The following PTPRT variants were observed in gnomAD, a reference collection of about 807,000 sequenced individuals.
The protein encoded by PTPRT is receptor-type tyrosine-protein phosphatase T.
PTPRT carries 56 observed loss-of-function variants against 176.8 expected under a neutral mutation model. The observed-to-expected ratio is 0.32, with a 90% CI of 0.26 to 0.40. PTPRT has a LOEUF of 0.40. Ranked by LOEUF, PTPRT falls within the 10% of genes least tolerant of loss-of-function variation. PTPRT has a pLI of 1.00. For missense variants in PTPRT, 1,540 were observed against 1,908.2 expected (o/e 0.81, Z 3.60); for synonymous variants, 783 against 739.0 (o/e 1.06, Z -0.96).
intron 9 of PTPRT, among the ~76,000 whole-genome samples, chr20:42,422,477 C>A (rs1012697049): frequency 6.6e-6 from 1 of 152,116 alleles, no homozygotes; most frequent in East Asian, 1.9e-4. Context: ...TAGAGAAATG[C>A]AAATCAAAAC....
chr20:43,061,388 G>T (rs1382310256), intron 1 of PTPRT, among the ~76,000 whole-genome samples: 1 of 152,108 alleles, frequency 6.6e-6, no homozygotes, highest in Non-Finnish European at 1.5e-5. Context: ...AGAACTCAAC[G>T]GTCTTGAGTA....
chr20:42,118,223 G>T (rs564304714), intron 21 of PTPRT, among the ~76,000 whole-genome samples, 180 bp downstream of exon 21: 9 of 152,300 alleles, frequency 5.9e-5, no homozygotes, highest in African/African-American at 1.2e-4. Context: ...AGGGATGAAG[G>T]GGATTTGAAG....
intron 2 of PTPRT, among the ~76,000 whole-genome samples, chr20:42,816,041 C>T (rs2077778518): frequency 1.3e-5 from 2 of 152,164 alleles, no homozygotes; most frequent in South Asian, 4.1e-4. Flanking sequence ...AGGCTGGGAG[C>T]TGGCACACAC....
chr20:42,961,879 G>A (rs1007935367), intron 1 of PTPRT, among the ~76,000 whole-genome samples: 27 of 152,210 alleles, frequency 1.8e-4, no homozygotes, highest in African/African-American at 6.3e-4. Flanking sequence ...AAGGAGCGGG[G>A]CGGGAGGGTC....
intron 1 of PTPRT, among the ~76,000 whole-genome samples, chr20:43,172,329 T>C (rs2015021813): frequency 6.6e-6 from 1 of 152,240 alleles, no homozygotes; most frequent in Admixed American, 6.5e-5. Context: ...AAATATCAGA[T>C]AATCTTTTTT....
At chr20:42,399,518 A>G (rs181045340) in intron 9 of PTPRT, among the ~76,000 whole-genome samples, 2 of 152,286 alleles carry the variant, frequency 1.3e-5, no homozygotes, top group East Asian at 1.9e-4. Context: ...TTAAAAATAC[A>G]CTTACTCCTA....
At chr20:42,923,020 G>A (rs749379642) in intron 1 of PTPRT, among the ~76,000 whole-genome samples, 23 of 151,982 alleles carry the variant, frequency 1.5e-4, no homozygotes, top group Non-Finnish European at 2.9e-4. Flanking sequence ...TGGTCTTATA[G>A]CCCATCTTTG....
intron 1 of PTPRT, among the ~76,000 whole-genome samples, chr20:42,980,587 C>T (rs1031674520): frequency 1.3e-5 from 2 of 152,338 alleles, no homozygotes; most frequent in Non-Finnish European, 2.9e-5. Flanking sequence ...GACTTCCCCC[C>T]ACCCTACTGC....
chr20:42,326,210 C>T (rs980073168), intron 11 of PTPRT, among the ~76,000 whole-genome samples: 7 of 152,050 alleles, frequency 4.6e-5, no homozygotes, highest in South Asian at 2.1e-4. Context: ...GGGTAGATAA[C>T]CTTGATATGG....
In PTPRT at chr20:42,570,306, G is replaced by A. The variant is rs879726600; in HGVS notation, c.1154-97744C>T. Among the ~76,000 whole-genome samples, 6 of 152,060 alleles carry A rather than the reference G, an allele frequency of 3.9e-5. No homozygotes were observed. The East Asian group carries it at 7.7e-4, about 20-fold the overall frequency. On this transcript the variant is annotated intron_variant, in intron 7 of 30. Coordinates refer to ENST00000373187, the MANE Select transcript of PTPRT (RefSeq NM_007050.6). ...TACCCTTCACTCCAGAGCTCTCCTCGGCACATAAGGATATTCCTCACTTTA... is the reference window on the plus strand; with the variant it reads ...TACCCTTCACTCCAGAGCTCTCCTCAGCACATAAGGATATTCCTCACTTTA...
intron 9 of PTPRT, among the ~76,000 whole-genome samples, chr20:42,403,322 A>AT (rs2058929721): frequency 6.6e-6 from 1 of 152,088 alleles, no homozygotes; most frequent in Non-Finnish European, 1.5e-5. Context: ...ATTCCAATAG[A>AT]TTTTTCTTCA....
chr20:42,770,219 T>G (rs958199128), intron 5 of PTPRT, among the ~76,000 whole-genome samples: 2 of 152,064 alleles, frequency 1.3e-5, no homozygotes, highest in African/African-American at 4.8e-5. Context: ...GCCTCCTGGG[T>G]TCAAGTGATT....
At chr20:42,329,952 G>C (rs1403031692) in intron 11 of PTPRT, among the ~76,000 whole-genome samples, 1 of 152,134 alleles carries the variant, frequency 6.6e-6, no homozygotes. Context: ...CAAAATAGCT[G>C]TAGTATCATA....
intron 2 of PTPRT, among the ~76,000 whole-genome samples, chr20:42,832,953 G>T (rs208229): frequency 0.96 from 145,900 of 151,986 alleles, 70,066 homozygotes; most frequent in African/African-American, 0.98. Context: ...TATTAAAAAT[G>T]TAGCCATGTG....
chr20:42,473,690 G>C (rs567621301), intron 7 of PTPRT, among the ~76,000 whole-genome samples: 3 of 152,208 alleles, frequency 2.0e-5, no homozygotes, highest in East Asian at 3.9e-4. Context: ...GCCCAGGCTG[G>C]TCTCAAACTC....
chr20:42,717,356 T>A (rs771862136), intron 6 of PTPRT, among the ~76,000 whole-genome samples: 21 of 152,018 alleles, frequency 1.4e-4, no homozygotes, highest in Non-Finnish European at 2.6e-4. Flanking sequence ...AATAAACCCT[T>A]ACATATGCAG....
At chr20:42,739,518 C>A (rs1416435326) in intron 6 of PTPRT, among the ~76,000 whole-genome samples, 1 of 151,934 alleles carries the variant, frequency 6.6e-6, no homozygotes, top group African/African-American at 2.4e-5. Context: ...AGGGAAGGGG[C>A]AGAGGCTGGC....
chr20:42,476,705 C>T (rs2071295839), intron 7 of PTPRT, among the ~76,000 whole-genome samples: 1 of 152,176 alleles, frequency 6.6e-6, no homozygotes, highest in South Asian at 2.1e-4. Context: ...TTTTGTAAAT[C>T]TGAGAACTCG....
chr20:42,042,879 T>C, the PTPRT span, among the ~76,000 whole-genome samples: 1 of 152,232 alleles, frequency 6.6e-6, no homozygotes, highest in Non-Finnish European at 1.5e-5. Flanking sequence ...GATCCCTCCA[T>C]GGGGATGGGC....
Sources: allele counts gnomAD v4.1 joint callset (sites outside exome capture counted in the v4.1 genomes callset), GRCh38; gene constraint gnomAD v4.1.1; transcripts MANE v1.5; gene names NCBI Gene and HGNC (gene_info 2026-07-23, HGNC 2026-07-21).